The following SIK2 variants were observed in gnomAD, a reference collection of about 807,000 sequenced individuals.
The protein encoded by SIK2 is serine/threonine-protein kinase SIK2.
SIK2 carries 29 observed loss-of-function variants against 103.2 expected under a neutral mutation model. That is an observed-to-expected ratio of 0.28 (90% CI 0.21 to 0.38). The LOEUF (loss-of-function observed/expected upper bound fraction) is 0.38. SIK2 is among the 10% of genes least tolerant of loss of function. The pLI is 1.00. For missense variants in SIK2, 879 were observed against 1,171.0 expected (o/e 0.75, Z 3.64); for synonymous variants, 412 against 446.1 (o/e 0.92, Z 0.96).
chr11:111,720,436 T>A, intron 10 of SIK2, 42 bp from the exon 11 acceptor site: 3 of 1,543,110 alleles, frequency 1.9e-6, no homozygotes, highest in Non-Finnish European at 2.6e-6. Context: ...TCCAAGGAGA[T>A]GCTATTGCTG....
rs1565398749 is a variant in SIK2 at position 111,723,584 on chromosome 11, C to G, written c.2236C>G (p.Gln746Glu). The G allele has an allele frequency of 1.9e-6, 3 of 1,614,228 alleles. No homozygotes were observed. Among genetic ancestry groups the G allele is most frequent in the Non-Finnish European group, 2.5e-6 (3 of 1,180,030 alleles). The change falls in exon 15 of 15, where the codon CAG (glutamine) becomes GAG (glutamate). Residue 746 changes from glutamine to glutamate, a missense_variant. By Grantham distance (29) the Gln-to-Glu change is conservative. Coordinates refer to ENST00000304987, the MANE Select transcript of SIK2 (RefSeq NM_015191.3). Reference sequence around the variant, plus strand: ...GCAGATAGCAGAGAGCTCCTACCCACAGCCAAGTCAGCAGCTGCCCCTTCC... The same window carrying G: ...GCAGATAGCAGAGAGCTCCTACCCAGAGCCAAGTCAGCAGCTGCCCCTTCC... ...QMQIAESSYP[Q>E]PSQQLPLPRQ... is the part of the protein sequence containing the mutation.
chr11:111,676,140 G>C (rs1942700589), intron 3 of SIK2, among the ~76,000 whole-genome samples: 1 of 152,062 alleles, frequency 6.6e-6, no homozygotes, highest in Non-Finnish European at 1.5e-5. Context: ...TATGTATTAT[G>C]TTGTCTTTAT....
chr11:111,723,342 A>T (rs796840512), intron 14 of SIK2, among the ~76,000 whole-genome samples, 154 bp from the exon 15 acceptor site: 1 of 152,202 alleles, frequency 6.6e-6, no homozygotes, highest in African/African-American at 2.4e-5. Context: ...GGTTTAAGAG[A>T]CCCAACACAA....
chr11:111,715,618 A>G (rs1335633545), intron 9 of SIK2, among the ~76,000 whole-genome samples: 1 of 152,140 alleles, frequency 6.6e-6, no homozygotes, highest in Non-Finnish European at 1.5e-5. Context: ...GCCCAACTCT[A>G]GATAAGAATG....
chr11:111,687,905 A>G (rs991000562), intron 3 of SIK2, 96 bp from the exon 4 acceptor site: 1 of 1,395,130 alleles, frequency 7.2e-7, no homozygotes, highest in Non-Finnish European at 9.8e-7. Flanking sequence ...GCTCCTGGCC[A>G]GAAAAAAAAC....
At chr11:111,687,125 A>G (rs1237577555) in intron 3 of SIK2, among the ~76,000 whole-genome samples, 1 of 152,214 alleles carries the variant, frequency 6.6e-6, no homozygotes, top group African/African-American at 2.4e-5. Flanking sequence ...AGACATTAAA[A>G]AAATCATGTT....
intron 3 of SIK2, among the ~76,000 whole-genome samples, chr11:111,641,561 T>G (rs1361176354): frequency 6.6e-6 from 1 of 152,246 alleles, no homozygotes; most frequent in African/African-American, 2.4e-5. Context: ...TACTTTATAT[T>G]TTCATTGCCT....
intron 9 of SIK2, among the ~76,000 whole-genome samples, chr11:111,715,446 C>T (rs1485459606): frequency 6.6e-6 from 1 of 152,218 alleles, no homozygotes; most frequent in Non-Finnish European, 1.5e-5. Context: ...TTGCATTTCT[C>T]CTCTCAACTG....
chr11:111,703,142 G>A, intron 6 of SIK2, 61 bp from the exon 7 acceptor site: 1 of 1,494,790 alleles, frequency 6.7e-7, no homozygotes, highest in South Asian at 1.1e-5. Context: ...CATGAGTCAA[G>A]CAAATAACCC....
intron 3 of SIK2, among the ~76,000 whole-genome samples, chr11:111,657,299 G>A (rs1429438624): frequency 2.0e-5 from 3 of 152,130 alleles, no homozygotes; most frequent in Admixed American, 6.5e-5. Context: ...TGCTGGTTTT[G>A]TAGTCTTTGA....
At chr11:111,603,017 TG>T (rs1042026318) in intron 1 of SIK2, among the ~76,000 whole-genome samples, 8 of 144,232 alleles carry the variant, frequency 5.5e-5, no homozygotes, top group African/African-American at 2.0e-4. Context: ...TGACCTGGTC[TG>T]TGGCCTCCGC....
chr11:111,684,350 T>A (rs1470535131), intron 3 of SIK2, among the ~76,000 whole-genome samples: 1 of 152,176 alleles, frequency 6.6e-6, no homozygotes, highest in Non-Finnish European at 1.5e-5. Context: ...CTTCCACTCA[T>A]TCACATTAAA....
intron 1 of SIK2, among the ~76,000 whole-genome samples, chr11:111,610,291 A>AC (rs1423417908): frequency 6.6e-6 from 1 of 152,080 alleles, no homozygotes; most frequent in Non-Finnish European, 1.5e-5. Context: ...CGAGTTTGAG[A>AC]CCAGCCTGGC....
At chr11:111,644,459 C>G (rs774103201) in intron 3 of SIK2, among the ~76,000 whole-genome samples, 5 of 151,708 alleles carry the variant, frequency 3.3e-5, no homozygotes, top group African/African-American at 7.3e-5. Flanking sequence ...GCCACAGGCA[C>G]GTATCTCGTT....
At chr11:111,685,778 A>G (rs1235721438) in intron 3 of SIK2, among the ~76,000 whole-genome samples, 1 of 152,134 alleles carries the variant, frequency 6.6e-6, no homozygotes, top group African/African-American at 2.4e-5. Flanking sequence ...TGAATCCAGG[A>G]GGTTGAGGTT....
rs1261628518 is a variant in SIK2, at chr11:111,726,383, CCCAGAGAGAAA to C, written c.*2255_*2265del. The stretch of plus-strand genomic sequence containing the variant: ...AGAGAGGCTACTGGAAGGTTAAGGA[CCCAGAGAGAAA>C]TCGAGAGGTGCCCTACAGCAGCCAG... On this transcript the variant is annotated 3_prime_UTR_variant, in exon 15 of 15. Transcript: ENST00000304987. 1 of 152,910 alleles carries C rather than the reference CCCAGAGAGAAA, an allele frequency of 6.5e-6. No homozygotes were observed. Among genetic ancestry groups the C allele is most frequent in the Non-Finnish European group, 1.5e-5 (1 of 68,580 alleles). The allele number at this position is 152,910 out of a possible 1,614,324, so 9.5% of individuals were successfully genotyped here.
Position 111,720,743 on chromosome 11 carries a change from A to T in SIK2, c.1761A>T (p.Ser587=). 6.3e-7 allele frequency: 1 copy of T among 1,598,460 alleles called. No homozygotes were observed. The highest frequency in any genetic ancestry group is 8.5e-7 in the Non-Finnish European group (1 of 1,172,616). ...GCTTCAGAGAGGGCCGCAGAGCATC[A>T]GATACCTCCCTCACCCAGGGTGAGC... ...PVSFREGRRA[S]DTSLTQGIVA... Residue 587 remains serine, a synonymous_variant, in exon 11 of 15, where the codon TCA becomes TCT. Transcript: ENST00000304987.
At chr11:111,658,685 G>A (rs113599311) in intron 3 of SIK2, among the ~76,000 whole-genome samples, 2,169 of 152,068 alleles carry the variant, frequency 0.014, 49 homozygotes, top group African/African-American at 0.049. Flanking sequence ...AGGATGCAGT[G>A]AGCCATGACC....
chr11:111,631,503 G>T (rs1942036715), intron 3 of SIK2, among the ~76,000 whole-genome samples: 1 of 152,122 alleles, frequency 6.6e-6, no homozygotes, highest in Admixed American at 6.6e-5. Context: ...TGGTCAGAGA[G>T]GTCATTGTTG....
Sources: gnomAD v4.1 joint callset for allele counts (sites outside exome capture counted in the v4.1 genomes callset) on GRCh38, gnomAD v4.1.1 for gene constraint, MANE v1.5 for transcripts, NCBI Gene and HGNC (gene_info 2026-07-23, HGNC 2026-07-21) for gene names.